ATG7: variants seen among roughly 807,000 people sequenced by gnomAD.
ATG7 encodes the protein ubiquitin-like modifier-activating enzyme ATG7.
ATG7 carries 70 observed loss-of-function variants against 82.4 expected under a neutral mutation model. The observed-to-expected ratio is 0.85, with a 90% CI of 0.70 to 1.04. The LOEUF (loss-of-function observed/expected upper bound fraction) is 1.04, where lower values mean the gene tolerates loss of function less well. Ranked by LOEUF, ATG7 falls within the 50% of genes least tolerant of loss-of-function variation. ATG7 has a pLI of 0.00. For synonymous variants in ATG7, 287 were observed against 313.0 expected, an observed-to-expected ratio of 0.92 and a Z score of 0.88; for missense variants, 792 against 864.3, an observed-to-expected ratio of 0.92 and a Z score of 1.05.
chr3:11,280,395 A>C (rs1232279065), intron 1 of ATG7, among the ~76,000 whole-genome samples: 1 of 152,220 alleles, frequency 6.6e-6, no homozygotes, highest in Non-Finnish European at 1.5e-5. Context: ...AGAAGAGGAA[A>C]CAGACTCGGA....
rs767801358 is a variant in ATG7 at position 11,358,420 on chromosome 3, T to C, written c.1287T>C (p.Asn429=). The change falls in exon 15 of 21, where the codon AAT becomes AAC. Residue 429 remains asparagine, a splice_region_variant and synonymous_variant. Coordinates refer to ENST00000693202, the MANE Select transcript of ATG7 (RefSeq NM_001349232.2). ...ACTACGTCCTGGTGTTTCCCTAGAA[T>C]GCCAGAGGATTCAACATGAGCATAC... ...DRLQKIFPGV[N]ARGFNMSIPM... is the part of the protein sequence containing the mutation. 1.2e-6 allele frequency: 2 copies of C among 1,611,912 alleles called. No individual in the cohort carries two copies. Among genetic ancestry groups the C allele is most frequent in the Admixed American group, 3.3e-5 (2 of 59,770 alleles).
intron 18 of ATG7, among the ~76,000 whole-genome samples, chr3:11,376,556 T>C (rs549608992): frequency 6.6e-6 from 1 of 152,182 alleles, no homozygotes; most frequent in Admixed American, 6.5e-5. Flanking sequence ...AGTCACAGAA[T>C]TCAGCATGAG....
intron 20 of ATG7, among the ~76,000 whole-genome samples, chr3:11,493,186 AG>A (rs368582077): frequency 0.011 from 1,725 of 152,306 alleles, 31 homozygotes; most frequent in African/African-American, 0.039. Flanking sequence ...GGAGCTGGAA[AG>A]GGGGTGGGAA....
At chr3:11,324,475 A>C (rs1256642340) in intron 9 of ATG7, among the ~76,000 whole-genome samples, 1 of 152,196 alleles carries the variant, frequency 6.6e-6, no homozygotes, top group Admixed American at 6.5e-5. Context: ...TGCCTTCTGC[A>C]CTTATGCCTC....
At chr3:11,560,337 A>G (rs2072871142), downstream of ATG7, among the ~76,000 whole-genome samples, 1 of 152,230 alleles carries the variant, frequency 6.6e-6, no homozygotes, top group South Asian at 2.1e-4. Context: ...CCCCAGGAAA[A>G]GTATCTTCCA....
At chr3:11,413,278 CTG>C (rs2081077349) in intron 19 of ATG7, among the ~76,000 whole-genome samples, 1 of 152,132 alleles carries the variant, frequency 6.6e-6, no homozygotes, top group African/African-American at 2.4e-5. Context: ...TCTTTCATCA[CTG>C]TGTATATTTG....
At chr3:11,452,611 G>A (rs1420412753) in intron 20 of ATG7, among the ~76,000 whole-genome samples, 1 of 152,042 alleles carries the variant, frequency 6.6e-6, no homozygotes, top group African/African-American at 2.4e-5. Context: ...AAAAGACCAA[G>A]GAGTTCTTAG....
chr3:11,537,563 T>C (rs2070425596), intron 20 of ATG7, among the ~76,000 whole-genome samples: 1 of 152,178 alleles, frequency 6.6e-6, no homozygotes, highest in Admixed American at 6.5e-5. Flanking sequence ...TCAGTTCCCA[T>C]TTTCTCTCAA....
At chr3:11,310,866 T>G (rs1035157641) in intron 7 of ATG7, among the ~76,000 whole-genome samples, 1 of 152,114 alleles carries the variant, frequency 6.6e-6, no homozygotes. Flanking sequence ...TCTCCTGACC[T>G]CGTGATCCGC....
intron 19 of ATG7, among the ~76,000 whole-genome samples, chr3:11,419,510 C>T (rs529357381): frequency 6.4e-4 from 98 of 152,160 alleles, no homozygotes; most frequent in African/African-American, 2.0e-3. Context: ...GCCAAGATCA[C>T]GTCACTGTAC....
chr3:11,531,692 CAA>C, intron 20 of ATG7, among the ~76,000 whole-genome samples: 1 of 151,966 alleles, frequency 6.6e-6, no homozygotes, highest in Non-Finnish European at 1.5e-5. Context: ...GGCAACATGG[CAA>C]AACCCTGTCT....
chr3:11,283,464 A>G (rs1472657568), intron 3 of ATG7, among the ~76,000 whole-genome samples: 2 of 152,102 alleles, frequency 1.3e-5, no homozygotes, highest in Non-Finnish European at 2.9e-5. Context: ...TCCTTATCTT[A>G]CACCTGAGTA....
At chr3:11,516,883 C>T (rs1023009150) in intron 20 of ATG7, among the ~76,000 whole-genome samples, 2 of 151,948 alleles carry the variant, frequency 1.3e-5, no homozygotes, top group African/African-American at 4.8e-5. Flanking sequence ...AGGAATTCAA[C>T]AACACCCTGG....
intron 5 of ATG7, among the ~76,000 whole-genome samples, chr3:11,305,932 G>A (rs1236306898): frequency 6.6e-6 from 1 of 152,180 alleles, no homozygotes; most frequent in Admixed American, 6.5e-5. Flanking sequence ...CAGTGAAAAG[G>A]CATTCTGTCT....
intron 20 of ATG7, among the ~76,000 whole-genome samples, chr3:11,448,559 C>T (rs78927830): frequency 0.025 from 3,877 of 152,316 alleles, 66 homozygotes; most frequent in Middle Eastern, 0.037. Context: ...TAATCAGGAA[C>T]ATAAACCAAC....
At chr3:11,281,792 GAGAAA>G (rs1432484536) in intron 2 of ATG7, among the ~76,000 whole-genome samples, 3 of 146,786 alleles carry the variant, frequency 2.0e-5, no homozygotes, top group African/African-American at 7.5e-5. Flanking sequence ...AAAAAAAAAA[GAGAAA>G]AGAAACAAAG....
chr3:11,505,880 C>A (rs1214301487), intron 20 of ATG7, among the ~76,000 whole-genome samples: 1 of 152,206 alleles, frequency 6.6e-6, no homozygotes. Context: ...GAAAGGTACA[C>A]AGTGCAGTGG....
the ATG7 span, among the ~76,000 whole-genome samples, chr3:11,570,240 A>G: frequency 2.0e-5 from 3 of 151,832 alleles, no homozygotes; most frequent in African/African-American, 7.3e-5. Context: ...CAGGCCCACC[A>G]AGAGACTCTC....
the ATG7 span, chr3:11,565,029 AG>A: frequency 6.8e-7 from 1 of 1,471,982 alleles, no homozygotes. The surrounding 1 kb of genome is among the most constrained non-coding windows in gnomAD (Gnocchi z 4.1). Context: ...CCTGAAAAAG[AG>A]GAATGGGCAT....
Sources: gnomAD v4.1 joint callset for allele counts (sites outside exome capture counted in the v4.1 genomes callset) on GRCh38, gnomAD v4.1.1 for gene constraint, Gnocchi (gnomAD v3.1) non-coding constraint, MANE v1.5 for transcripts, NCBI Gene and HGNC (gene_info 2026-07-23, HGNC 2026-07-21) for gene names.